The following PGAP3 variants were observed in gnomAD, a reference collection of about 807,000 sequenced individuals.
PGAP3 encodes post-GPI attachment to proteins phospholipase 3.
In PGAP3, 31 loss-of-function variants were observed where a neutral mutation model predicts 40.3. The ratio of observed to expected loss-of-function variants is 0.77; its 90% CI spans 0.58 to 1.04. The LOEUF is 1.04. Among genes scored for constraint, PGAP3 ranks in the 50% least tolerant of loss-of-function variants. The pLI is 0.00. For synonymous variants in PGAP3, 191 were observed against 184.5 expected (o/e 1.04, Z -0.29); for missense variants, 413 against 423.0 (o/e 0.98, Z 0.21).
In PGAP3 at chr17:39,673,728, C is replaced by T. The variant is rs79757706; in HGVS notation, c.558-78G>A. The T allele has an allele frequency of 1.8e-3, 2,771 of 1,575,498 alleles. 28 individuals are homozygous for T. The African/African-American group carries it at 0.027, about 15-fold the overall frequency. ...GCATTCCCTGAAGCATCTCCTCCCC[C>T]CAACATTGGTGCATGGCCCCTGAAG... On this transcript the variant is annotated intron_variant, in intron 5 of 7. Transcript: ENST00000300658.
chr17:39,687,035 T>C (rs1241172743), intron 1 of PGAP3, among the ~76,000 whole-genome samples: 3 of 152,214 alleles, frequency 2.0e-5, no homozygotes, highest in Non-Finnish European at 2.9e-5. Flanking sequence ...CTCCTGTTCA[T>C]GTACCCTGCT....
chr17:39,682,171 G>A (rs186460397), intron 3 of PGAP3, among the ~76,000 whole-genome samples: 9 of 138,936 alleles, frequency 6.5e-5, no homozygotes, highest in Admixed American at 6.1e-4. Context: ...GCTTGCAGTG[G>A]GCCAAGATGG....
intron 3 of PGAP3, among the ~76,000 whole-genome samples, chr17:39,675,453 G>A (rs1184091700): frequency 6.6e-6 from 1 of 152,252 alleles, no homozygotes; most frequent in Non-Finnish European, 1.5e-5. Flanking sequence ...CCACAGCAAA[G>A]GCCCAAACTG....
intron 3 of PGAP3, among the ~76,000 whole-genome samples, chr17:39,682,807 G>T (rs918036322): frequency 6.6e-6 from 1 of 152,042 alleles, no homozygotes; most frequent in African/African-American, 2.4e-5. Context: ...GGCCGAGCAC[G>T]GTGGCTGATG....
In PGAP3 at chr17:39,673,174, A is replaced by G; in HGVS notation, c.776T>C (p.Val259Ala). The change falls in exon 7 of 8, where the codon GTG becomes GCG. Residue 259 changes from valine to alanine, a missense_variant. Coordinates refer to ENST00000300658, the MANE Select transcript of PGAP3 (RefSeq NM_033419.5). ...GGACAGCCCCTGCAGCAGCAAGACC[A>G]CCACCACGCACTTGCGCACGTGAGG... ...RLPHVRKCVV[V>A]VLLLQGLSLL... 6.3e-7 allele frequency: 1 copy of G among 1,583,834 alleles called. No individual in the cohort carries two copies. Among genetic ancestry groups the G allele is most frequent in the Non-Finnish European group, 8.6e-7 (1 of 1,165,586 alleles).
In PGAP3 at chr17:39,685,921, C is replaced by T; in HGVS notation, c.279+1G>A. On this transcript the variant is annotated splice_donor_variant, in intron 2 of 7. Transcript: ENST00000300658. LOFTEE classifies it high-confidence loss of function. ...ATGCCTACCCTGACCCTCCAACTCACCTTGCCATGGAACTGAGGCACTTTG... is the reference window on the plus strand; with the variant it reads ...ATGCCTACCCTGACCCTCCAACTCATCTTGCCATGGAACTGAGGCACTTTG... The T allele has an allele frequency of 6.2e-7, 1 of 1,612,360 alleles. No homozygotes were observed.
Position 39,684,716 on chromosome 17 carries a change from G to C in PGAP3, c.313C>G (p.Pro105Ala). 1 of 1,612,066 alleles carries C rather than the reference G, an allele frequency of 6.2e-7. No individual in the cohort carries two copies. The highest frequency in any genetic ancestry group is 8.5e-7 in the Non-Finnish European group (1 of 1,179,136). Residue 105 changes from proline (P) to alanine (A), a missense_variant, in exon 3 of 8, where the codon CCG (proline) becomes GCG (alanine). Transcript: ENST00000300658. ...PFSRFLFFQEPASAVASFLNG... is the reference protein window; with the variant it reads ...PFSRFLFFQEAASAVASFLNG... ...AGAAACGAGGCCACGGCCGATGCCGGCTCTTGAAAGAACAGGAACCGGGAG... is the reference window on the plus strand; with the variant it reads ...AGAAACGAGGCCACGGCCGATGCCGCCTCTTGAAAGAACAGGAACCGGGAG...
Position 39,687,840 on chromosome 17 carries a change from G to A in PGAP3, c.175C>T (p.Leu59=). Residue 59 remains leucine (L), a synonymous_variant, in exon 1 of 8, where the codon CTA becomes TTA. Coordinates refer to ENST00000300658, the MANE Select transcript of PGAP3 (RefSeq NM_033419.5). ...CCGTGGGGGTGGGGCTTACCTGCTAGACTCATGTAGATTGGCTGGCGGGAG... is the reference window on the plus strand; with the variant it reads ...CCGTGGGGGTGGGGCTTACCTGCTAAACTCATGTAGATTGGCTGGCGGGAG... The part of the protein sequence containing the change: ...FRSRQPIYMS[L]AGWTCRDDCK... 6.8e-7 allele frequency: 1 copy of A among 1,479,942 alleles called. No homozygotes were observed. Among genetic ancestry groups the A allele is most frequent in the Non-Finnish European group, 9.1e-7 (1 of 1,099,618 alleles). The allele number at this position is 1,479,942 out of a possible 1,614,324, so 91.7% of individuals were successfully genotyped here.
chr17:39,687,886 C>G lies in PGAP3; in HGVS notation c.129G>C (p.Gly43=), dbSNP rs535959708. Residue 43 remains glycine (G), a synonymous_variant, in exon 1 of 8, where the codon GGG becomes GGC. Coordinates refer to ENST00000300658, the MANE Select transcript of PGAP3 (RefSeq NM_033419.5). ...GGGAGCGGAAGTGATTCAGAGCGCCCCCAGAGCAGTTCTGCTCTTCGCACT... is the reference window on the plus strand; with the variant it reads ...GGGAGCGGAAGTGATTCAGAGCGCCGCCAGAGCAGTTCTGCTCTTCGCACT... ...VLQCEEQNCS[G]GALNHFRSRQ... 4.6e-6 allele frequency: 7 copies of G among 1,513,322 alleles called. No homozygotes were observed. The African/African-American group carries it at 9.8e-5, about 21-fold the overall frequency. 93.7% of individuals were successfully genotyped at this position (1,513,322 alleles called of 1,614,324 possible).
In PGAP3 at chr17:39,674,652, T is replaced by C. The variant is rs201648350; in HGVS notation, c.460A>G (p.Thr154Ala). ...WVSLNAWFWSTVFHTRDTDLT... is the reference protein window; with the variant it reads ...WVSLNAWFWSAVFHTRDTDLT... Reference sequence around the variant, plus strand: ...TCAGTGTCCCTGGTGTGGAAAACTGTGGACCAGAACCATGCATTGAGGGAC... The same window carrying C: ...TCAGTGTCCCTGGTGTGGAAAACTGCGGACCAGAACCATGCATTGAGGGAC... The change falls in exon 4 of 8, where the codon ACA (threonine) becomes GCA (alanine). Residue 154 changes from threonine (T) to alanine (A), a missense_variant. Transcript: ENST00000300658. The C allele has an allele frequency of 7.7e-6, 12 of 1,551,258 alleles. No homozygotes were observed. The East Asian group carries it at 2.9e-4, about 38-fold the overall frequency.
chr17:39,687,735 G>T, intron 1 of PGAP3, 99 bp downstream of exon 1: 1 of 963,106 alleles, frequency 1.0e-6, no homozygotes, highest in Non-Finnish European at 1.4e-6. Flanking sequence ...AAGAGACCTC[G>T]TGGGGAAACT....
intron 3 of PGAP3, among the ~76,000 whole-genome samples, chr17:39,676,336 CCAG>C (rs752332642): frequency 7.9e-5 from 12 of 152,172 alleles, no homozygotes; most frequent in Admixed American, 2.0e-4. Flanking sequence ...GGACTGGCAG[CCAG>C]CCAGGCCTCC....
At chr17:39,676,315 G>A (rs1277856156) in intron 3 of PGAP3, among the ~76,000 whole-genome samples, 1 of 152,168 alleles carries the variant, frequency 6.6e-6, no homozygotes, top group Non-Finnish European at 1.5e-5. Flanking sequence ...AGGAGAAGAG[G>A]AAGGCGGCAG....
intron 3 of PGAP3, among the ~76,000 whole-genome samples, chr17:39,682,991 C>T (rs1177552275): frequency 1.3e-5 from 2 of 152,050 alleles, no homozygotes; most frequent in Non-Finnish European, 1.5e-5. Context: ...GCAGGAGAAT[C>T]GCTTGAACTG....
chr17:39,674,119 G>A (rs2057346536), intron 4 of PGAP3, 65 bp from the exon 5 acceptor site: 6 of 1,517,982 alleles, frequency 4.0e-6, no homozygotes, highest in South Asian at 1.1e-5. Flanking sequence ...CGCGGGGATG[G>A]GGGCATGGAG....
intron 3 of PGAP3, among the ~76,000 whole-genome samples, chr17:39,682,292 T>G (rs189313863): frequency 1.7e-4 from 26 of 150,096 alleles, no homozygotes; most frequent in African/African-American, 4.7e-4. Context: ...TTTCTTTCTA[T>G]TGTTCTGTTT....
At chr17:39,683,951 C>T (rs1378851770) in intron 3 of PGAP3, among the ~76,000 whole-genome samples, 1 of 151,862 alleles carries the variant, frequency 6.6e-6, no homozygotes, top group Non-Finnish European at 1.5e-5. Flanking sequence ...ATGGAGAAAC[C>T]CCGTCTCTAC....
At chr17:39,677,806 G>T (rs2057393107) in intron 3 of PGAP3, among the ~76,000 whole-genome samples, 1 of 152,350 alleles carries the variant, frequency 6.6e-6, no homozygotes, top group Middle Eastern at 3.4e-3. Flanking sequence ...TCACAGCCGT[G>T]AAACTGGTTG....
In PGAP3 at chr17:39,679,345, C is replaced by T. The variant is rs2057412126; in HGVS notation, c.433-4666G>A. 2.0e-5 allele frequency among the ~76,000 whole-genome samples: 3 copies of T among 152,120 alleles called. No individual in the cohort carries two copies. In the South Asian group the frequency reaches 6.2e-4, roughly 32 times the overall value. ...CAAGAAGGAAGCTGAGTTGCAGATACCATTGAGGTGAAAAATCCAAGAATC... is the reference window on the plus strand; with the variant it reads ...CAAGAAGGAAGCTGAGTTGCAGATATCATTGAGGTGAAAAATCCAAGAATC... On this transcript the variant is annotated intron_variant, in intron 3 of 7. Transcript: ENST00000300658.
Sources: allele counts gnomAD v4.1 joint callset (sites outside exome capture counted in the v4.1 genomes callset), GRCh38; gene constraint gnomAD v4.1.1; transcripts MANE v1.5; gene names NCBI Gene and HGNC (gene_info 2026-07-23, HGNC 2026-07-21).